The following GRM8 variants were observed in gnomAD, a reference collection of about 807,000 sequenced individuals.
GRM8 encodes glutamate metabotropic receptor 8, also known as metabotropic glutamate receptor 8.
In GRM8, 47 loss-of-function variants were observed where a neutral mutation model predicts 87.2. That is an observed-to-expected ratio of 0.54 (90% confidence interval 0.43 to 0.69). The LOEUF is 0.69. Among genes scored for constraint, GRM8 ranks in the 30% least tolerant of loss-of-function variants. GRM8 has a pLI of 0.00. For missense variants in GRM8, 1,019 were observed against 1,139.2 expected, an observed-to-expected ratio of 0.89 and a Z score of 1.52; for synonymous variants, 396 against 404.5, an observed-to-expected ratio of 0.98 and a Z score of 0.25.
At chr7:126,452,231 C>T (rs1235105276) in intron 9 of GRM8, among the ~76,000 whole-genome samples, 1 of 142,976 alleles carries the variant, frequency 7.0e-6, no homozygotes, top group African/African-American at 2.6e-5. Context: ...GGGAATTGAA[C>T]AATGAGAACA....
At chr7:126,623,947 C>T (rs1464869129) in intron 7 of GRM8, among the ~76,000 whole-genome samples, 1 of 152,046 alleles carries the variant, frequency 6.6e-6, no homozygotes, top group Non-Finnish European at 1.5e-5. Context: ...TGTCCCCACC[C>T]CCTGCTCAAA....
chr7:127,082,210 C>A (rs1563488168), intron 3 of GRM8: 1 of 152,162 alleles, frequency 6.6e-6, no homozygotes, highest in Non-Finnish European at 1.5e-5. Flanking sequence ...AAATACAATG[C>A]CTTTATATAT....
chr7:126,622,670 A>G (rs1169589160), intron 7 of GRM8, among the ~76,000 whole-genome samples: 5 of 152,116 alleles, frequency 3.3e-5, no homozygotes, highest in African/African-American at 1.2e-4. Flanking sequence ...ACAAATTTAG[A>G]CTTTTGGCAG....
chr7:126,679,370 A>G (rs1352400475), intron 7 of GRM8, among the ~76,000 whole-genome samples: 1 of 152,246 alleles, frequency 6.6e-6, no homozygotes. Context: ...CTCTGATATA[A>G]GATTTTAAAT....
chr7:127,015,984 A>C (rs1332536130), intron 3 of GRM8, among the ~76,000 whole-genome samples: 1 of 152,116 alleles, frequency 6.6e-6, no homozygotes, highest in Non-Finnish European at 1.5e-5. Context: ...ATTTTTAAAA[A>C]TTCCTTGAAT....
intron 2 of GRM8, among the ~76,000 whole-genome samples, chr7:127,205,560 C>A (rs1795860915): frequency 6.6e-6 from 1 of 152,150 alleles, no homozygotes; most frequent in African/African-American, 2.4e-5. Flanking sequence ...GGGCTACCAC[C>A]AGGTCACTGA....
At chr7:126,672,558 C>G (rs1339426701) in intron 7 of GRM8, among the ~76,000 whole-genome samples, 1 of 152,154 alleles carries the variant, frequency 6.6e-6, no homozygotes, top group Non-Finnish European at 1.5e-5. Flanking sequence ...ATGAATCCTC[C>G]AAACTGGGAA....
At chr7:127,129,026 A>G (rs569085112) in intron 2 of GRM8, among the ~76,000 whole-genome samples, 4 of 152,310 alleles carry the variant, frequency 2.6e-5, no homozygotes, top group African/African-American at 4.8e-5. Context: ...ATATGACTTC[A>G]TAATGACTCC....
At chr7:127,094,469 TC>T (rs1268506001) in intron 3 of GRM8, among the ~76,000 whole-genome samples, 1 of 152,154 alleles carries the variant, frequency 6.6e-6, no homozygotes, top group African/African-American at 2.4e-5. Flanking sequence ...CAGGGCTCAA[TC>T]CGGCAGCCAT....
intron 2 of GRM8, among the ~76,000 whole-genome samples, chr7:127,126,299 G>T (rs749629430): frequency 6.6e-6 from 1 of 151,914 alleles, no homozygotes; most frequent in Non-Finnish European, 1.5e-5. Context: ...CCATTCAGCC[G>T]TAAAAATAAT....
intron 8 of GRM8, among the ~76,000 whole-genome samples, chr7:126,608,501 C>A (rs1357179301): frequency 6.6e-6 from 1 of 152,196 alleles, no homozygotes; most frequent in Non-Finnish European, 1.5e-5. Flanking sequence ...TCCGGCTGGG[C>A]TCTTCAAGTC....
At chr7:127,093,959 T>C (rs1824402126) in intron 3 of GRM8, among the ~76,000 whole-genome samples, 1 of 152,250 alleles carries the variant, frequency 6.6e-6, no homozygotes, top group Admixed American at 6.5e-5. Context: ...TCTGCTAGCC[T>C]TCTGATTTTA....
chr7:126,753,966 T>C (rs535594991), intron 7 of GRM8, among the ~76,000 whole-genome samples: 18 of 152,034 alleles, frequency 1.2e-4, no homozygotes, highest in African/African-American at 3.9e-4. Flanking sequence ...ATCACGGTGA[T>C]TAAGTATTCA....
In GRM8 at chr7:126,671,820, A is replaced by G. The variant is rs76148894; in HGVS notation, c.1358-62322T>C. ...AATCCCAGCAAGCATAACTATGGCT[A>G]CCAGTTATCTGGGTGTGTCACAAGA... On this transcript the variant is annotated intron_variant, in intron 7 of 10. Coordinates refer to ENST00000339582, the MANE Select transcript of GRM8 (RefSeq NM_000845.3). Among the ~76,000 whole-genome samples the G allele has an allele frequency of 7.3e-3, 1,116 of 152,322 alleles. 20 individuals carry two copies. The highest frequency in any genetic ancestry group is 0.025 in the African/African-American group (1,053 of 41,568).
chr7:127,027,578 T>G (rs1024695671), intron 3 of GRM8, among the ~76,000 whole-genome samples: 1 of 152,174 alleles, frequency 6.6e-6, no homozygotes, highest in African/African-American at 2.4e-5. Context: ...TTCCTAGGTA[T>G]TTTATTCTCT....
chr7:126,730,739 AT>A (rs1247648061), intron 7 of GRM8, among the ~76,000 whole-genome samples: 2 of 152,126 alleles, frequency 1.3e-5, no homozygotes, highest in African/African-American at 2.4e-5. Flanking sequence ...GAGGCTCAAT[AT>A]GGAGAAAGTT....
intron 3 of GRM8, among the ~76,000 whole-genome samples, chr7:127,001,207 A>G (rs374569609): frequency 3.0e-4 from 46 of 151,856 alleles, no homozygotes; most frequent in African/African-American, 1.1e-3. Context: ...CAAGATATGC[A>G]TATGAATACA....
chr7:126,838,438 T>C (rs1795991771), intron 6 of GRM8, among the ~76,000 whole-genome samples: 1 of 152,200 alleles, frequency 6.6e-6, no homozygotes, highest in South Asian at 2.1e-4. Flanking sequence ...CAGAGTTTCC[T>C]GGAATTAAAG....
intron 6 of GRM8, among the ~76,000 whole-genome samples, chr7:126,888,292 A>T (rs548659667): frequency 6.6e-6 from 1 of 152,234 alleles, no homozygotes; most frequent in East Asian, 1.9e-4. Flanking sequence ...CAAAGAAAAG[A>T]TCACAGTGGA....
Sources: allele counts gnomAD v4.1 joint callset (sites outside exome capture counted in the v4.1 genomes callset), GRCh38; gene constraint gnomAD v4.1.1; transcripts MANE v1.5; gene names NCBI Gene and HGNC (gene_info 2026-07-23, HGNC 2026-07-21).